EPHA5: variants seen among roughly 807,000 people sequenced by gnomAD.
EPHA5 encodes the protein EPH receptor A5, also known as ephrin type-A receptor 5.
A neutral mutation model predicts 105.0 loss-of-function variants in EPHA5; 60 were observed. That is an observed-to-expected ratio of 0.57 (90% confidence interval 0.46 to 0.71). The LOEUF is 0.71. EPHA5 is among the 30% of genes least tolerant of loss of function. The probability of loss-of-function intolerance (pLI) is 0.00; values close to 1 mark genes in which losing one functional copy is unlikely to be tolerated. For synonymous variants in EPHA5, 513 were observed against 449.1 expected (o/e 1.14, Z -1.80); for missense variants, 1,218 against 1,274.7 (o/e 0.96, Z 0.68).
At chr4:65,464,957 T>C (rs969895013) in intron 5 of EPHA5, among the ~76,000 whole-genome samples, 3 of 152,114 alleles carry the variant, frequency 2.0e-5, no homozygotes, top group African/African-American at 7.2e-5. Context: ...ATATGGATAA[T>C]TTCTGTTCTC....
At chr4:65,428,698 A>G (rs956273701) in intron 5 of EPHA5, among the ~76,000 whole-genome samples, 4 of 152,080 alleles carry the variant, frequency 2.6e-5, no homozygotes, top group African/African-American at 9.7e-5. Flanking sequence ...AAAGACTTGA[A>G]AATCACAAAA....
At chr4:65,336,168 T>C (rs1424774916) in intron 14 of EPHA5, 43 bp from the exon 15 acceptor site, 1 of 1,509,944 alleles carries the variant, frequency 6.6e-7, no homozygotes, top group Non-Finnish European at 8.9e-7. Flanking sequence ...CACCACAAAT[T>C]TAGTATAGAA....
chr4:65,534,259 G>A (rs1042313549), intron 3 of EPHA5, among the ~76,000 whole-genome samples: 1 of 151,962 alleles, frequency 6.6e-6, no homozygotes, highest in Non-Finnish European at 1.5e-5. Context: ...TAATTATTTA[G>A]ATTTTTAAAA....
chr4:65,437,882 A>G (rs2149078421), intron 5 of EPHA5, among the ~76,000 whole-genome samples: 1 of 152,092 alleles, frequency 6.6e-6, no homozygotes, highest in East Asian at 1.9e-4. Flanking sequence ...AATTTAAAAA[A>G]TCATGAATTT....
At chr4:65,360,445 T>G (rs1717171874) in intron 11 of EPHA5, among the ~76,000 whole-genome samples, 1 of 151,740 alleles carries the variant, frequency 6.6e-6, no homozygotes, top group South Asian at 2.1e-4. Context: ...TGGAGTCAGA[T>G]AGAGCTGTTT....
chr4:65,326,404 T>C (rs1470736), intron 16 of EPHA5, among the ~76,000 whole-genome samples: 140,441 of 151,306 alleles, frequency 0.93, 65,897 homozygotes, highest in Non-Finnish European at 1. Context: ...AAAATGAGAA[T>C]CCTGTAAATG....
At chr4:65,620,896 G>GC (rs1414426591) in intron 2 of EPHA5, among the ~76,000 whole-genome samples, 1 of 152,148 alleles carries the variant, frequency 6.6e-6, no homozygotes, top group Non-Finnish European at 1.5e-5. Context: ...GTGGAAAACT[G>GC]CAAGTGGTAT....
chr4:65,586,450 A>G (rs1203908412), intron 3 of EPHA5, among the ~76,000 whole-genome samples: 1 of 151,732 alleles, frequency 6.6e-6, no homozygotes, highest in Non-Finnish European at 1.5e-5. Context: ...ATTACTAGCA[A>G]ATAGTTGTCT....
At chr4:65,355,180 A>G (rs1254462867) in intron 11 of EPHA5, among the ~76,000 whole-genome samples, 1 of 151,652 alleles carries the variant, frequency 6.6e-6, no homozygotes, top group Non-Finnish European at 1.5e-5. Flanking sequence ...GAAAGAGCCC[A>G]TGAAGTTTAA....
At chr4:65,439,029 C>A (rs367646629) in intron 5 of EPHA5, among the ~76,000 whole-genome samples, 3 of 152,018 alleles carry the variant, frequency 2.0e-5, no homozygotes, top group Non-Finnish European at 4.4e-5. Flanking sequence ...TTCACAGAAA[C>A]TTCTCAACAA....
At position 65,331,939 on chromosome 4, in the gene EPHA5, C is replaced by A. The variant is rs151224982; in HGVS notation, c.2945+34G>T. The A allele has an allele frequency of 4.7e-5, 73 of 1,569,238 alleles. 1 individual carries two copies. The Middle Eastern group carries it at 5.1e-4, about 11-fold the overall frequency. ...TTTTGAACAATTTTTCTTGCCCCAG[C>A]AATTATGTAAAAATTATCAGAAAAA... On this transcript the variant is annotated intron_variant, in intron 16 of 16. Transcript: ENST00000613740.
At chr4:65,365,261 CT>C in intron 10 of EPHA5, 59 bp from the exon 11 acceptor site, 1 of 1,362,530 alleles carries the variant, frequency 7.3e-7, no homozygotes, top group Admixed American at 1.8e-5. Flanking sequence ...TCTATTAACA[CT>C]TGTATGCCCT....
chr4:65,507,740 G>C (rs1218248304), intron 3 of EPHA5, among the ~76,000 whole-genome samples: 1 of 152,064 alleles, frequency 6.6e-6, no homozygotes, highest in African/African-American at 2.4e-5. Context: ...TGCTGAAGTT[G>C]CTTATCAGCT....
intron 2 of EPHA5, among the ~76,000 whole-genome samples, chr4:65,616,634 A>G (rs1042316847): frequency 6.6e-6 from 1 of 152,018 alleles, no homozygotes; most frequent in South Asian, 2.1e-4. Context: ...ACAAAATAAG[A>G]TAAAGAGTAT....
chr4:65,443,322 C>A (rs180674156), intron 5 of EPHA5, among the ~76,000 whole-genome samples: 1 of 151,540 alleles, frequency 6.6e-6, no homozygotes, highest in Non-Finnish European at 1.5e-5. Context: ...CTGCACAAAA[C>A]CGGTAATTGT....
intron 1 of EPHA5, among the ~76,000 whole-genome samples, chr4:65,648,128 G>A (rs1261329243): frequency 6.6e-6 from 1 of 152,148 alleles, no homozygotes; most frequent in Non-Finnish European, 1.5e-5. Context: ...GAGATTCAAG[G>A]AGAGCAAAGA....
chr4:65,650,574 AGCTAGTTGTTAGTTGTTCTATCC>A (rs1748524519), intron 1 of EPHA5, among the ~76,000 whole-genome samples: 1 of 148,580 alleles, frequency 6.7e-6, no homozygotes, highest in Admixed American at 6.7e-5. Context: ...AAAAAAAAAG[AGCTAGTTGTTAGTTGTTCTATCC>A]AAATATCTGA....
chr4:65,507,430 G>C (rs1411614178), intron 3 of EPHA5, among the ~76,000 whole-genome samples: 1 of 152,086 alleles, frequency 6.6e-6, no homozygotes, highest in East Asian at 1.9e-4. Flanking sequence ...TAATGGGGAT[G>C]GCATTGAATC....
chr4:65,603,720 T>A (rs182910606), intron 2 of EPHA5, among the ~76,000 whole-genome samples: 200 of 152,232 alleles, frequency 1.3e-3, no homozygotes, highest in Non-Finnish European at 2.4e-3. Flanking sequence ...GAAGATTTTA[T>A]CTTGCCAAAC....
Sources: allele counts gnomAD v4.1 joint callset (sites outside exome capture counted in the v4.1 genomes callset), GRCh38; gene constraint gnomAD v4.1.1; transcripts MANE v1.5; gene names NCBI Gene and HGNC (gene_info 2026-07-23, HGNC 2026-07-21).